The following GNRHR variants were observed in gnomAD, a reference collection of about 807,000 sequenced individuals.
GNRHR encodes the protein gonadotropin releasing hormone receptor, also known as gonadotropin-releasing hormone receptor.
Under a neutral mutation model 28.1 loss-of-function variants are expected in GNRHR, and 14 were observed. The observed-to-expected ratio is 0.50, with a 90% confidence interval of 0.33 to 0.78. The LOEUF is 0.78. GNRHR is among the 30% of genes least tolerant of loss of function. GNRHR has a pLI of 0.02. For synonymous variants in GNRHR, 141 were observed against 140.5 expected, an observed-to-expected ratio of 1.00 and a Z score of -0.02; for missense variants, 366 against 382.1, an observed-to-expected ratio of 0.96 and a Z score of 0.35.
At chr4:67,740,865 T>G in intron 2 of GNRHR, 141 bp from the exon 3 acceptor site, 1 of 675,208 alleles carries the variant, frequency 1.5e-6, no homozygotes, top group Middle Eastern at 4.1e-4. Flanking sequence ...ATAATTTGTT[T>G]GAAAAGCATG....
At chr4:67,750,751 C>A (rs148790993) in intron 1 of GNRHR, among the ~76,000 whole-genome samples, 35 of 151,754 alleles carry the variant, frequency 2.3e-4, no homozygotes, top group Non-Finnish European at 4.3e-4. Flanking sequence ...AATAGAAAAT[C>A]GGTATGTGCA....
At position 67,754,198 on chromosome 4, in the gene GNRHR, A is replaced by G; in HGVS notation, c.138T>C (p.Phe46=). ...AAGCATTAAAGGTCGCAGAGAGCAG[A>G]AAAAGGAAGAAAGTAACCGTCACTC... ...KIRVTVTFFL[F]LLSATFNASF... Residue 46 remains phenylalanine (F), a synonymous_variant, in exon 1 of 3, where the codon TTT becomes TTC. Coordinates refer to ENST00000226413, the MANE Select transcript of GNRHR (RefSeq NM_000406.3). The G allele has an allele frequency of 6.2e-7, 1 of 1,614,082 alleles. No homozygotes were observed. Among genetic ancestry groups the G allele is most frequent in the Non-Finnish European group, 8.5e-7 (1 of 1,179,916 alleles).
Position 67,738,043 on chromosome 4 carries a change from A to G in GNRHR, c.*2437T>C, listed in dbSNP as rs1026301542. Among the ~76,000 whole-genome samples the G allele has an allele frequency of 6.6e-6, 1 of 151,672 alleles. No homozygotes were observed. Among genetic ancestry groups the G allele is most frequent in the African/African-American group, 2.4e-5 (1 of 41,396 alleles). ...ATAGATTATACATTATAATTTATGAACCATAATATTCATATAGAATAATTA... is the reference window on the plus strand; with the variant it reads ...ATAGATTATACATTATAATTTATGAGCCATAATATTCATATAGAATAATTA... On this transcript the variant is annotated 3_prime_UTR_variant, in exon 3 of 3. Transcript: ENST00000226413.
In GNRHR at chr4:67,739,178, C is replaced by T. The variant is rs555225443; in HGVS notation, c.*1302G>A. 3 of 151,980 alleles carry T rather than the reference C, an allele frequency of 2.0e-5. No homozygotes were observed. The highest frequency in any genetic ancestry group is 2.1e-4 in the South Asian group (1 of 4,824). The allele number at this position is 151,980 out of a possible 1,614,324, so 9.4% of individuals were successfully genotyped here. A position where few individuals can be genotyped will look rare whatever the true frequency, so the allele number is the denominator to read the frequency against. ...TATTATACTCCCATTATTTTCATCC[C>T]TTTCCATTTTTCATGGAAGAGGTAG... On this transcript the variant is annotated 3_prime_UTR_variant, in exon 3 of 3. Coordinates refer to ENST00000226413, the MANE Select transcript of GNRHR (RefSeq NM_000406.3).
intron 1 of GNRHR, among the ~76,000 whole-genome samples, chr4:67,747,049 C>G (rs1731767315): frequency 6.6e-6 from 1 of 152,082 alleles, no homozygotes; most frequent in African/African-American, 2.4e-5. Context: ...TAAAGTTCAG[C>G]TTTGAATTAG....
At chr4:67,742,653 T>A (rs966942679) in intron 2 of GNRHR, among the ~76,000 whole-genome samples, 2 of 152,180 alleles carry the variant, frequency 1.3e-5, no homozygotes, top group African/African-American at 4.8e-5. Flanking sequence ...CAAAATCTGT[T>A]CTTGTATTTC....
At position 67,754,242 on chromosome 4, in the gene GNRHR, T is replaced by A; in HGVS notation, c.94A>T (p.Thr32Ser). The change falls in exon 1 of 3, where the codon ACC becomes TCC. Residue 32 changes from threonine to serine, a missense_variant. Coordinates refer to ENST00000226413, the MANE Select transcript of GNRHR (RefSeq NM_000406.3). The stretch of plus-strand genomic sequence containing the variant: ...GTCACTCGGATCTTTCCAGACAAGG[T>A]CAGAGTGGGGAGGTTGCCCTGCATC... Reference protein sequence around the residue: ...PLMQGNLPTLTLSGKIRVTVT... With the variant: ...PLMQGNLPTLSLSGKIRVTVT... The A allele has an allele frequency of 6.2e-7, 1 of 1,613,922 alleles. No individual in the cohort carries two copies. Among genetic ancestry groups the A allele is most frequent in the East Asian group, 2.2e-5 (1 of 44,884 alleles).
At chr4:67,747,230 CT>C (rs1204907697) in intron 1 of GNRHR, 1 of 152,272 alleles carries the variant, frequency 6.6e-6, no homozygotes, top group East Asian at 1.9e-4. Flanking sequence ...ACATTTTCGT[CT>C]TAATATTTCA....
intron 1 of GNRHR, among the ~76,000 whole-genome samples, chr4:67,750,682 G>T (rs1731849654): frequency 6.6e-6 from 1 of 151,980 alleles, no homozygotes; most frequent in African/African-American, 2.4e-5. Context: ...CCAGCCCTGA[G>T]TGGTGAAAAC....
Position 67,739,458 on chromosome 4 carries a change from C to T in GNRHR, c.*1022G>A, listed in dbSNP as rs1354637498. ...CTGCATCAAGATCTTTCCCTCCTTC[C>T]CCTGACATGTTCTGTCTTCTTTGAT... On this transcript the variant is annotated 3_prime_UTR_variant, in exon 3 of 3. Transcript: ENST00000226413. 2 of 151,998 alleles carry T rather than the reference C, an allele frequency of 1.3e-5. No individual in the cohort carries two copies. Among genetic ancestry groups the T allele is most frequent in the Non-Finnish European group, 2.9e-5 (2 of 67,926 alleles). 9.4% of individuals were successfully genotyped at this position (151,998 alleles called of 1,614,324 possible).
intron 1 of GNRHR, among the ~76,000 whole-genome samples, chr4:67,752,229 C>G (rs1488617944): frequency 1.3e-5 from 2 of 150,700 alleles, no homozygotes; most frequent in Non-Finnish European, 3.0e-5. Flanking sequence ...TTTTTTGAGA[C>G]AGGTTCTCAT....
intron 2 of GNRHR, among the ~76,000 whole-genome samples, chr4:67,742,405 T>C (rs2109982194): frequency 6.6e-6 from 1 of 152,356 alleles, no homozygotes; most frequent in East Asian, 1.9e-4. Flanking sequence ...GGATAGTAAG[T>C]ATCATATGTG....
intron 1 of GNRHR, among the ~76,000 whole-genome samples, chr4:67,750,174 G>C (rs1446762659): frequency 6.6e-6 from 1 of 152,110 alleles, no homozygotes; most frequent in Non-Finnish European, 1.5e-5. Flanking sequence ...GTATTACTGA[G>C]ATTTGAGCCC....
rs1299514672 is a variant in GNRHR, at chr4:67,754,250, G to A, written c.86C>T (p.Pro29Leu). ...NSIPLMQGNL[P>L]TLTLSGKIRV... is the part of the protein sequence containing the mutation. ...GATCTTTCCAGACAAGGTCAGAGTG[G>A]GGAGGTTGCCCTGCATCAGTGGGAT... The change falls in exon 1 of 3, where the codon CCC becomes CTC. Residue 29 changes from proline (P) to leucine (L), a missense_variant. Coordinates refer to ENST00000226413, the MANE Select transcript of GNRHR (RefSeq NM_000406.3). 1.2e-6 allele frequency: 2 copies of A among 1,613,606 alleles called. No individual in the cohort carries two copies. Among genetic ancestry groups the A allele is most frequent in the East Asian group, 2.2e-5 (1 of 44,886 alleles).
At position 67,737,126 on chromosome 4, in the gene GNRHR, T is replaced by C. The variant is rs896146964; in HGVS notation, c.*3354A>G. Among the ~76,000 whole-genome samples the C allele has an allele frequency of 4.6e-5, 7 of 152,034 alleles. No homozygotes were observed. Among genetic ancestry groups the C allele is most frequent in the African/African-American group, 2.4e-5 (1 of 41,434 alleles). ...TAAAAGTCAGACAAACACACACACATATAACATTTATTATGTTTTCTCTTA... is the reference window on the plus strand; with the variant it reads ...TAAAAGTCAGACAAACACACACACACATAACATTTATTATGTTTTCTCTTA... On this transcript the variant is annotated 3_prime_UTR_variant, in exon 3 of 3. Transcript: ENST00000226413.
intron 1 of GNRHR, chr4:67,751,810 A>G (rs1731873825): frequency 6.6e-6 from 1 of 152,174 alleles, no homozygotes; most frequent in East Asian, 1.9e-4. Context: ...CAACTACTTT[A>G]CACATAGTTG....
In GNRHR at chr4:67,738,426, G is replaced by A. The variant is rs994085580; in HGVS notation, c.*2054C>T. Among the ~76,000 whole-genome samples, 1 of 151,146 alleles carries A rather than the reference G, an allele frequency of 6.6e-6. No homozygotes were observed. Among genetic ancestry groups the A allele is most frequent in the East Asian group, 1.9e-4 (1 of 5,168 alleles). On this transcript the variant is annotated 3_prime_UTR_variant, in exon 3 of 3. Coordinates refer to ENST00000226413, the MANE Select transcript of GNRHR (RefSeq NM_000406.3). Reference sequence around the variant, plus strand: ...TTAAGAACCCCTGAGTCAAGATTTCGAATAGCCCTTTAGTTAATGTGTAAA... The same window carrying A: ...TTAAGAACCCCTGAGTCAAGATTTCAAATAGCCCTTTAGTTAATGTGTAAA...
rs1280811873 is a variant in GNRHR at position 67,739,625 on chromosome 4, C to T, written c.*855G>A. ...GGATTTAGTAAGATCAGGAGAGAGA[C>T]AAAAAATTCTTCACATTAAAATAGA... On this transcript the variant is annotated 3_prime_UTR_variant, in exon 3 of 3. Coordinates refer to ENST00000226413, the MANE Select transcript of GNRHR (RefSeq NM_000406.3). 11 of 151,926 alleles carry T rather than the reference C, an allele frequency of 7.2e-5. No individual in the cohort carries two copies. The highest frequency in any genetic ancestry group is 6.6e-4 in the Admixed American group (10 of 15,230). The allele number at this position is 151,926 out of a possible 1,614,324, so 9.4% of individuals were successfully genotyped here.
chr4:67,754,166 A>C lies in GNRHR; in HGVS notation c.170T>G (p.Leu57Trp). 1.2e-6 allele frequency: 2 copies of C among 1,614,092 alleles called. No individual in the cohort carries two copies. The highest frequency in any genetic ancestry group is 1.7e-6 in the Non-Finnish European group (2 of 1,179,922). Reference sequence around the variant, plus strand: ...CTGTGTCCACTTCTGAAGTTTCAACAAGAAAGAAGCATTAAAGGTCGCAGA... The same window carrying C: ...CTGTGTCCACTTCTGAAGTTTCAACCAGAAAGAAGCATTAAAGGTCGCAGA... ...LLSATFNASFLLKLQKWTQKK... is the reference protein window; with the variant it reads ...LLSATFNASFWLKLQKWTQKK... The change falls in exon 1 of 3, where the codon TTG becomes TGG. Residue 57 changes from leucine (L) to tryptophan (W), a missense_variant. Coordinates refer to ENST00000226413, the MANE Select transcript of GNRHR (RefSeq NM_000406.3).
Sources: allele counts gnomAD v4.1 joint callset (sites outside exome capture counted in the v4.1 genomes callset), GRCh38; gene constraint gnomAD v4.1.1; transcripts MANE v1.5; gene names NCBI Gene and HGNC (gene_info 2026-07-23, HGNC 2026-07-21).